COL4A1: variants seen among roughly 807,000 people sequenced by gnomAD.
COL4A1 encodes collagen alpha-1(IV) chain.
A neutral mutation model predicts 216.6 loss-of-function variants in COL4A1; 40 were observed. The ratio of observed to expected loss-of-function variants is 0.18; its 90% CI spans 0.14 to 0.24. The LOEUF (loss-of-function observed/expected upper bound fraction) is 0.24. Among genes scored for constraint, COL4A1 ranks in the 10% least tolerant of loss-of-function variants. The probability of loss-of-function intolerance (pLI) is 1.00; values close to 1 mark genes in which losing one functional copy is unlikely to be tolerated. For synonymous variants in COL4A1, 839 were observed against 810.7 expected (o/e 1.03, Z -0.59); for missense variants, 1,628 against 2,196.8 (o/e 0.74, Z 5.18).
chr13:110,192,123 G>A, intron 24 of COL4A1, 91 bp downstream of exon 24: 1 of 1,322,484 alleles, frequency 7.6e-7, no homozygotes, highest in Non-Finnish European at 1.1e-6. Flanking sequence ...CAAGGCAGAA[G>A]CCATGCTTGC....
chr13:110,202,574 A>G (rs1879298776), intron 18 of COL4A1, among the ~76,000 whole-genome samples: 1 of 152,198 alleles, frequency 6.6e-6, no homozygotes. Context: ...TATAAATAAA[A>G]TGGGCTGTGT....
intron 1 of COL4A1, among the ~76,000 whole-genome samples, chr13:110,259,019 CAA>C (rs1882696553): frequency 6.6e-6 from 1 of 152,244 alleles, no homozygotes; most frequent in South Asian, 2.1e-4. Context: ...TTTGCGGATG[CAA>C]AGACTTCAGA....
chr13:110,212,559 G>A lies in COL4A1; in HGVS notation c.324+15C>T, dbSNP rs780430829. 4.3e-5 allele frequency: 70 copies of A among 1,614,152 alleles called. No individual in the cohort carries two copies. Among genetic ancestry groups the A allele is most frequent in the South Asian group, 1.1e-4 (10 of 91,084 alleles). On this transcript the variant is annotated intron_variant, in intron 5 of 51. Coordinates refer to ENST00000375820, the MANE Select transcript of COL4A1 (RefSeq NM_001845.6). ...ATATTTCATAAAAGAAGTAGAGCAC[G>A]TTTTCTATACATACGGGAAGTCCTG... is the stretch of plus-strand genomic sequence containing the variant.
Position 110,174,462 on chromosome 13 carries a change from A to T in COL4A1, c.3390T>A (p.Gly1130=), listed in dbSNP as rs1163342512. ...GCCCTCTACCTGCTTCTCCTTTGACACCAGGGATGCCATCCAATCCTGGGA... is the reference window on the plus strand; with the variant it reads ...GCCCTCTACCTGCTTCTCCTTTGACTCCAGGGATGCCATCCAATCCTGGGA... ...KGLPGLDGIP[G]VKGEAGLPGT... is the part of the protein sequence containing the mutation. The change falls in exon 39 of 52, where the codon GGT becomes GGA. Residue 1130 remains glycine, a synonymous_variant. Transcript: ENST00000375820. The T allele has an allele frequency of 9.9e-6, 16 of 1,613,778 alleles. No individual in the cohort carries two copies. Among genetic ancestry groups the T allele is most frequent in the Admixed American group, 1.7e-5 (1 of 59,996 alleles).
chr13:110,229,176 T>C (rs1279405789), intron 2 of COL4A1, among the ~76,000 whole-genome samples: 2 of 152,256 alleles, frequency 1.3e-5, no homozygotes, highest in South Asian at 4.1e-4. Context: ...ATTATGGGCC[T>C]GATCTTCCTT....
intron 23 of COL4A1, 91 bp from the exon 24 acceptor site, chr13:110,192,375 TG>T: frequency 8.4e-7 from 1 of 1,184,110 alleles, no homozygotes; most frequent in South Asian, 1.3e-5. Flanking sequence ...CATAAAAATC[TG>T]TATAGGAAGT....
intron 2 of COL4A1, among the ~76,000 whole-genome samples, chr13:110,227,148 CA>C (rs1285914901): frequency 6.6e-6 from 1 of 152,100 alleles, no homozygotes; most frequent in African/African-American, 2.4e-5. Context: ...CTTACAGTAT[CA>C]TTTCCTGCCT....
At chr13:110,163,391 A>G (rs1877174779) in intron 47 of COL4A1, 72 bp downstream of exon 47, 2 of 1,337,016 alleles carry the variant, frequency 1.5e-6, no homozygotes, top group African/African-American at 1.4e-5. Flanking sequence ...CTGTTTCCCC[A>G]TGCCTGGTTC....
intron 1 of COL4A1, among the ~76,000 whole-genome samples, chr13:110,295,583 G>A (rs938795434): frequency 1.3e-5 from 2 of 151,644 alleles, no homozygotes; most frequent in East Asian, 1.9e-4. Context: ...CCGCCACCAC[G>A]CCTAGCCAAT....
intron 22 of COL4A1, 30 bp from the exon 23 acceptor site, chr13:110,192,943 T>C: frequency 6.3e-7 from 1 of 1,599,422 alleles, no homozygotes; most frequent in Non-Finnish European, 8.6e-7. Flanking sequence ...GGTGCTTACG[T>C]GTAACATGTG....
chr13:110,229,879 A>G (rs1880938581), intron 2 of COL4A1, among the ~76,000 whole-genome samples: 2 of 152,048 alleles, frequency 1.3e-5, no homozygotes, highest in South Asian at 2.1e-4. Flanking sequence ...AAATGTCAGT[A>G]ATTTCCTTGG....
At chr13:110,272,580 A>G (rs533248116) in intron 1 of COL4A1, among the ~76,000 whole-genome samples, 40 of 151,878 alleles carry the variant, frequency 2.6e-4, no homozygotes, top group African/African-American at 4.8e-4. Context: ...CTAAAAGAAA[A>G]GGGGGGGAAC....
intron 1 of COL4A1, among the ~76,000 whole-genome samples, chr13:110,248,870 A>G (rs1465915230): frequency 6.6e-6 from 1 of 152,182 alleles, no homozygotes; most frequent in Non-Finnish European, 1.5e-5. Flanking sequence ...AACCACACAC[A>G]GATGCAGCAG....
At chr13:110,303,609 G>A (rs537978776) in intron 1 of COL4A1, among the ~76,000 whole-genome samples, 1 of 152,330 alleles carries the variant, frequency 6.6e-6, no homozygotes, top group South Asian at 2.1e-4. Context: ...CTGGTGTATA[G>A]TTCCTATTTC....
At chr13:110,233,058 G>A (rs1273206338) in intron 2 of COL4A1, among the ~76,000 whole-genome samples, 1 of 152,168 alleles carries the variant, frequency 6.6e-6, no homozygotes, top group African/African-American at 2.4e-5. Context: ...GGTGGGCCTC[G>A]TGTGCAGAAT....
At chr13:110,236,744 G>A (rs550600216) in intron 2 of COL4A1, among the ~76,000 whole-genome samples, 1 of 152,338 alleles carries the variant, frequency 6.6e-6, no homozygotes, top group East Asian at 1.9e-4. Flanking sequence ...TGCTCACGCT[G>A]GGGGTGTTTC....
rs377511053 is a variant in COL4A1, at chr13:110,186,559, G to T, written c.1729-6C>A. On this transcript the variant is annotated splice_region_variant and splice_polypyrimidine_tract_variant and intron_variant, in intron 25 of 51. Transcript: ENST00000375820. ...CCTTTCAATCCTACAGAACCCTGAT[G>T]TGAGAAGAAGAAAAAGACACCGTTA... 3.7e-6 allele frequency: 6 copies of T among 1,613,786 alleles called. No individual in the cohort carries two copies. In the African/African-American group the frequency reaches 5.3e-5, roughly 14 times the overall value.
At chr13:110,217,209 C>T (rs185886659) in intron 2 of COL4A1, among the ~76,000 whole-genome samples, 94 of 152,312 alleles carry the variant, frequency 6.2e-4, no homozygotes, top group Admixed American at 1.3e-3. Flanking sequence ...AGTTAGCTGG[C>T]GACCAGCATG....
At chr13:110,258,662 G>A (rs1882683150) in intron 1 of COL4A1, among the ~76,000 whole-genome samples, 1 of 152,186 alleles carries the variant, frequency 6.6e-6, no homozygotes, top group Non-Finnish European at 1.5e-5. Context: ...ATTGCCAGGT[G>A]ATATAAATGA....
Sources: allele counts gnomAD v4.1 joint callset (sites outside exome capture counted in the v4.1 genomes callset), GRCh38; gene constraint gnomAD v4.1.1; transcripts MANE v1.5; gene names NCBI Gene and HGNC (gene_info 2026-07-23, HGNC 2026-07-21).